Variants in COMMD1 observed in about 807,000 individuals in gnomAD.
COMMD1 encodes the protein copper metabolism domain containing 1, also known as COMM domain-containing protein 1.
Under a neutral mutation model 17.2 loss-of-function variants are expected in COMMD1, and 10 were observed. That is an observed-to-expected ratio of 0.58 (90% CI 0.36 to 0.99). COMMD1 has a LOEUF of 0.99. Ranked by LOEUF, COMMD1 falls within the 50% of genes least tolerant of loss-of-function variation. The pLI is 0.01. For synonymous variants in COMMD1, 97 were observed against 91.6 expected, an observed-to-expected ratio of 1.06 and a Z score of -0.34; for missense variants, 270 against 231.8, an observed-to-expected ratio of 1.17 and a Z score of -1.07.
chr2:62,001,745 A>G (rs1668949064), intron 2 of COMMD1, among the ~76,000 whole-genome samples: 1 of 152,198 alleles, frequency 6.6e-6, no homozygotes, highest in Non-Finnish European at 1.5e-5. Context: ...CTACAATAGA[A>G]ATTTATTTCT....
At chr2:61,996,931 C>T (rs1331801272) in intron 1 of COMMD1, among the ~76,000 whole-genome samples, 2 of 152,166 alleles carry the variant, frequency 1.3e-5, no homozygotes, top group African/African-American at 4.8e-5. Flanking sequence ...TTCTATGAAT[C>T]GTGAATGTTC....
intron 2 of COMMD1, among the ~76,000 whole-genome samples, chr2:62,125,357 G>A (rs935591937): frequency 1.3e-5 from 2 of 152,178 alleles, no homozygotes; most frequent in Admixed American, 6.5e-5. Context: ...TTGGGGGTGA[G>A]TCATTTTAAT....
chr2:61,960,827 C>A (rs1406183141), intron 1 of COMMD1, among the ~76,000 whole-genome samples: 2 of 152,186 alleles, frequency 1.3e-5, no homozygotes, highest in Non-Finnish European at 2.9e-5. Context: ...CAGAAGTAGA[C>A]CACCAAGGAA....
At chr2:61,942,202 C>T (rs1670768240) in intron 1 of COMMD1, among the ~76,000 whole-genome samples, 1 of 151,606 alleles carries the variant, frequency 6.6e-6, no homozygotes, top group Non-Finnish European at 1.5e-5. Context: ...CTCCTAGGTT[C>T]AAGCGATTCT....
At chr2:62,007,286 C>T (rs1472581028) in intron 2 of COMMD1, among the ~76,000 whole-genome samples, 1 of 151,866 alleles carries the variant, frequency 6.6e-6, no homozygotes, top group South Asian at 2.1e-4. Flanking sequence ...TATGCTCACT[C>T]CTGTCATTTA....
At chr2:61,994,319 G>A (rs1486035692) in intron 1 of COMMD1, among the ~76,000 whole-genome samples, 1 of 152,126 alleles carries the variant, frequency 6.6e-6, no homozygotes, top group Non-Finnish European at 1.5e-5. Context: ...CCAGAGGTTT[G>A]GGGTCCTGCT....
At chr2:62,129,038 G>A (rs1374271976) in intron 2 of COMMD1, among the ~76,000 whole-genome samples, 1 of 152,046 alleles carries the variant, frequency 6.6e-6, no homozygotes, top group Non-Finnish European at 1.5e-5. Flanking sequence ...AATACTTGGA[G>A]GGCAACCTTC....
chr2:61,923,692 G>T (rs577605286), intron 1 of COMMD1, among the ~76,000 whole-genome samples: 1 of 152,180 alleles, frequency 6.6e-6, no homozygotes, highest in Non-Finnish European at 1.5e-5. Context: ...GCTTTATTTT[G>T]TGGTGAGCAG....
intron 1 of COMMD1, among the ~76,000 whole-genome samples, chr2:61,984,188 C>A (rs920135871): frequency 4.6e-5 from 7 of 152,134 alleles, no homozygotes; most frequent in Non-Finnish European, 8.8e-5. Flanking sequence ...CCACACCCAG[C>A]TAATTTTTTG....
intron 1 of COMMD1, among the ~76,000 whole-genome samples, chr2:61,889,565 C>T (rs912756593): frequency 1.3e-5 from 2 of 151,986 alleles, no homozygotes; most frequent in African/African-American, 4.8e-5. Context: ...GGGTGGGCGC[C>T]GGAATAACTC....
At position 61,941,066 on chromosome 2, in the gene COMMD1, C is replaced by T. The variant is rs1344237766; in HGVS notation, c.180+35208C>T. Reference sequence around the variant, plus strand: ...CCCCTTTTTTTTTGGGATGGAGTCTCGCCCAGGCTGGAGTGCGGTGGCGCG... The same window carrying T: ...CCCCTTTTTTTTTGGGATGGAGTCTTGCCCAGGCTGGAGTGCGGTGGCGCG... On this transcript the variant is annotated intron_variant, in intron 1 of 2. Transcript: ENST00000311832. Among the ~76,000 whole-genome samples the T allele has an allele frequency of 2.0e-5, 3 of 150,774 alleles. 1 individual carries two copies. In the South Asian group the frequency reaches 6.3e-4, roughly 32 times the overall value.
chr2:62,085,095 A>G (rs1006978616), intron 2 of COMMD1, among the ~76,000 whole-genome samples: 3 of 152,240 alleles, frequency 2.0e-5, no homozygotes, highest in Non-Finnish European at 4.4e-5. Flanking sequence ...TAAAGAGGTT[A>G]GAATCTCTTT....
Position 62,008,345 on chromosome 2 carries a change from TACAC to T in COMMD1, c.462+7371_462+7374del, listed in dbSNP as rs1157482821. Among the ~76,000 whole-genome samples the T allele has an allele frequency of 7.3e-5, 11 of 150,784 alleles. No homozygotes were observed. In the East Asian group the frequency reaches 9.7e-4, roughly 13 times the overall value. On this transcript the variant is annotated intron_variant, in intron 2 of 2. Coordinates refer to ENST00000311832, the MANE Select transcript of COMMD1 (RefSeq NM_152516.4). ...ATGCACACAGACCCACAATCTTTCA[TACAC>T]ACACACAGACAGACACACACACACA...
Position 62,043,956 on chromosome 2 carries a change from A to G in COMMD1, c.462+42974A>G, listed in dbSNP as rs530996327. The stretch of plus-strand genomic sequence containing the variant: ...ACTGTGGCATTGAGGAATATCTGTC[A>G]TAGGATTTTTGTTATATTTTTGTTT... On this transcript the variant is annotated intron_variant, in intron 2 of 2. Transcript: ENST00000311832. Among the ~76,000 whole-genome samples, 3 of 152,308 alleles carry G rather than the reference A, an allele frequency of 2.0e-5. No homozygotes were observed. The South Asian group carries it at 6.2e-4, about 32-fold the overall frequency.
At chr2:62,035,203 C>G (rs1352020507) in intron 2 of COMMD1, among the ~76,000 whole-genome samples, 1 of 152,164 alleles carries the variant, frequency 6.6e-6, no homozygotes, top group Admixed American at 6.5e-5. Flanking sequence ...TATACTGATA[C>G]TTAAAGAAAA....
chr2:62,048,292 C>T (rs1412990011), intron 2 of COMMD1, among the ~76,000 whole-genome samples: 1 of 151,212 alleles, frequency 6.6e-6, no homozygotes, highest in East Asian at 2.0e-4. Context: ...ACGCCATTCT[C>T]CTGCCTCAGC....
At chr2:61,952,294 G>C (rs1208542891) in intron 1 of COMMD1, among the ~76,000 whole-genome samples, 1 of 152,192 alleles carries the variant, frequency 6.6e-6, no homozygotes, top group African/African-American at 2.4e-5. Flanking sequence ...GATTATGTGA[G>C]GGGTCTGAAT....
At chr2:62,038,149 G>A (rs759989856) in intron 2 of COMMD1, among the ~76,000 whole-genome samples, 35 of 152,046 alleles carry the variant, frequency 2.3e-4, no homozygotes, top group South Asian at 1.0e-3. Context: ...CTAGTCGGGC[G>A]TGGTGGCATG....
intron 1 of COMMD1, among the ~76,000 whole-genome samples, chr2:61,957,031 G>A (rs1005349990): frequency 8.5e-5 from 13 of 152,156 alleles, no homozygotes; most frequent in African/African-American, 9.7e-5. Context: ...GATTATAGGC[G>A]TGAGCCACCA....
Sources: gnomAD v4.1 joint callset for allele counts (sites outside exome capture counted in the v4.1 genomes callset) on GRCh38, gnomAD v4.1.1 for gene constraint, MANE v1.5 for transcripts, NCBI Gene and HGNC (gene_info 2026-07-23, HGNC 2026-07-21) for gene names.